ARHGAP22: variants seen among roughly 807,000 people sequenced by gnomAD.
ARHGAP22 encodes rho GTPase-activating protein 22.
ARHGAP22 carries 48 observed loss-of-function variants against 59.1 expected under a neutral mutation model. That is an observed-to-expected ratio of 0.81 (90% CI 0.64 to 1.03). The LOEUF is 1.03. Ranked by LOEUF, ARHGAP22 falls within the 50% of genes least tolerant of loss-of-function variation. The probability of loss-of-function intolerance (pLI) is 0.00; values close to 1 mark genes in which losing one functional copy is unlikely to be tolerated. For missense variants in ARHGAP22, 1,015 were observed against 958.7 expected, an observed-to-expected ratio of 1.06 and a Z score of -0.78; for synonymous variants, 445 against 416.4, an observed-to-expected ratio of 1.07 and a Z score of -0.84.
intron 3 of ARHGAP22, among the ~76,000 whole-genome samples, chr10:48,492,632 C>T (rs768083898): frequency 2.0e-5 from 3 of 152,104 alleles, no homozygotes; most frequent in Non-Finnish European, 2.9e-5. Context: ...TGGCTCACTA[C>T]AACCTCCGCT....
intron 3 of ARHGAP22, among the ~76,000 whole-genome samples, chr10:48,518,397 G>A (rs1299389622): frequency 6.6e-6 from 1 of 152,184 alleles, no homozygotes; most frequent in East Asian, 1.9e-4. Flanking sequence ...GCAAAGTAAT[G>A]ACACATGTAT....
intron 3 of ARHGAP22, among the ~76,000 whole-genome samples, chr10:48,537,116 A>G (rs1308309384): frequency 6.6e-6 from 1 of 152,214 alleles, no homozygotes; most frequent in South Asian, 2.1e-4. Context: ...TCACAGGACA[A>G]AGAAGGTTAG....
chr10:48,479,298 C>T (rs764204732), intron 4 of ARHGAP22: 8 of 411,562 alleles, frequency 1.9e-5, no homozygotes, highest in South Asian at 1.1e-4. Context: ...CTGGACACCA[C>T]GAGACACATG....
the ARHGAP22 span, chr10:48,438,064 A>G: frequency 6.6e-6 from 1 of 152,268 alleles, no homozygotes; most frequent in Non-Finnish European, 1.5e-5. Context: ...TTGCCTAGGC[A>G]TTCGCCTGCA....
rs1333284391 is a variant in ARHGAP22, at chr10:48,450,278, G to A, written c.1851C>T (p.Tyr617=). ...RAELCRQRTE[Y]ERSVKRIEEG... ...CAAGTTACCTTTTCACACTCCTCTC[G>A]TACTCAGTCCGCTGGCGGCACAGCT... is the stretch of plus-strand genomic sequence containing the variant. Residue 617 remains tyrosine (Y), a synonymous_variant, in exon 9 of 10, where the codon TAC becomes TAT. Transcript: ENST00000249601. 4.3e-6 allele frequency: 7 copies of A among 1,609,956 alleles called. No individual in the cohort carries two copies. Among genetic ancestry groups the A allele is most frequent in the East Asian group, 4.5e-5 (2 of 44,732 alleles).
chr10:48,512,408 G>C (rs2052872062), intron 3 of ARHGAP22, among the ~76,000 whole-genome samples: 1 of 152,210 alleles, frequency 6.6e-6, no homozygotes, highest in Non-Finnish European at 1.5e-5. Context: ...GTCCACTTGA[G>C]GGCTAGCATG....
chr10:48,463,792 G>A (rs1365028008), intron 4 of ARHGAP22, among the ~76,000 whole-genome samples: 3 of 152,172 alleles, frequency 2.0e-5, no homozygotes, highest in African/African-American at 7.2e-5. Context: ...GAACTGCCCA[G>A]AGCCACATGC....
chr10:48,498,747 C>T (rs2051203111), intron 3 of ARHGAP22, among the ~76,000 whole-genome samples: 1 of 152,116 alleles, frequency 6.6e-6, no homozygotes, highest in Admixed American at 6.5e-5. Flanking sequence ...AATCCAATAC[C>T]AGAAGCAACA....
intron 5 of ARHGAP22, among the ~76,000 whole-genome samples, chr10:48,455,716 C>A (rs1015813920): frequency 6.6e-6 from 1 of 152,242 alleles, no homozygotes; most frequent in Non-Finnish European, 1.5e-5. Context: ...CTGCCAACCC[C>A]CAGCCCGAGC....
At chr10:48,446,698 C>T in intron 9 of ARHGAP22, 79 bp from the exon 10 acceptor site, 4 of 1,428,902 alleles carry the variant, frequency 2.8e-6, no homozygotes, top group Non-Finnish European at 3.8e-6. Context: ...TGCTTGTGCT[C>T]ACTGTGGGTT....
chr10:48,533,968 C>A (rs1351643330), intron 3 of ARHGAP22, among the ~76,000 whole-genome samples: 2 of 152,242 alleles, frequency 1.3e-5, no homozygotes, highest in Non-Finnish European at 2.9e-5. Context: ...CAGTTTGGTT[C>A]AGGAGAGGAG....
At chr10:48,453,185 T>G in intron 8 of ARHGAP22, 119 bp downstream of exon 8, 4 of 1,425,556 alleles carry the variant, frequency 2.8e-6, no homozygotes, top group Non-Finnish European at 3.9e-6. Flanking sequence ...ATGTGCCACC[T>G]GAGCCACCCC....
At chr10:48,603,360 AGTAAAAGAAT>A (rs750474389) in intron 1 of ARHGAP22, among the ~76,000 whole-genome samples, 1 of 152,276 alleles carries the variant, frequency 6.6e-6, no homozygotes, top group African/African-American at 2.4e-5. Flanking sequence ...TAGTAGCTAT[AGTAAAAGAAT>A]GTAAAACAGG....
chr10:48,610,205 G>A (rs1195015611), intron 1 of ARHGAP22, among the ~76,000 whole-genome samples: 1 of 152,212 alleles, frequency 6.6e-6, no homozygotes, highest in Non-Finnish European at 1.5e-5. Context: ...CCCTTTGACA[G>A]CTCAGGACCC....
intron 1 of ARHGAP22, among the ~76,000 whole-genome samples, chr10:48,585,893 C>T (rs1009467654): frequency 1.6e-4 from 25 of 152,176 alleles, no homozygotes; most frequent in Non-Finnish European, 3.4e-4. Flanking sequence ...CAGAGACTAA[C>T]GGGAAGGCAA....
At chr10:48,577,772 A>C (rs1374091613) in intron 2 of ARHGAP22, among the ~76,000 whole-genome samples, 1 of 130,454 alleles carries the variant, frequency 7.7e-6, no homozygotes, top group Non-Finnish European at 1.6e-5. Context: ...GATTGCTCAG[A>C]AAATCTGAGA....
At position 48,450,825 on chromosome 10, in the gene ARHGAP22, G is replaced by T. The variant is rs763527109; in HGVS notation, c.1304C>A (p.Pro435Gln). The T allele has an allele frequency of 6.3e-7, 1 of 1,587,070 alleles. No homozygotes were observed. Among genetic ancestry groups the T allele is most frequent in the East Asian group, 2.3e-5 (1 of 44,164 alleles). The stretch of plus-strand genomic sequence containing the variant: ...CTTCGGGCTTCCCGATAGGGACCTC[G>T]GCTGCCGGAAGGAGGACTTCCAACT... Reference protein sequence around the residue: ...LPSWKSSFRQPRSLSGSPKGG... With the variant: ...LPSWKSSFRQQRSLSGSPKGG... Residue 435 changes from proline to glutamine, a missense_variant, in exon 9 of 10, where the codon CCG becomes CAG. Pro to Gln is a moderately conservative substitution (Grantham distance 76). Transcript: ENST00000249601.
At chr10:48,578,389 A>G (rs2058891988) in intron 2 of ARHGAP22, among the ~76,000 whole-genome samples, 1 of 152,078 alleles carries the variant, frequency 6.6e-6, no homozygotes, top group South Asian at 2.1e-4. Flanking sequence ...GTGCCTTTAA[A>G]AACATCCTCT....
chr10:48,545,582 C>T (rs978035086), intron 3 of ARHGAP22, among the ~76,000 whole-genome samples: 3 of 152,198 alleles, frequency 2.0e-5, no homozygotes, highest in Admixed American at 6.5e-5. Flanking sequence ...CGAGATAGGC[C>T]GGTATCAGCA....
Sources: allele counts gnomAD v4.1 joint callset (sites outside exome capture counted in the v4.1 genomes callset), GRCh38; gene constraint gnomAD v4.1.1; transcripts MANE v1.5; gene names NCBI Gene and HGNC (gene_info 2026-07-23, HGNC 2026-07-21).